The following NCOA1 variants were observed in gnomAD, a reference collection of about 807,000 sequenced individuals.
The protein encoded by NCOA1 is Hin-2 protein.
Under a neutral mutation model 150.9 loss-of-function variants are expected in NCOA1, and 35 were observed. The observed-to-expected ratio is 0.23, with a 90% CI of 0.18 to 0.31. The LOEUF (loss-of-function observed/expected upper bound fraction) is 0.31. Ranked by LOEUF, NCOA1 falls within the 10% of genes least tolerant of loss-of-function variation. The pLI, the probability that NCOA1 is intolerant of heterozygous loss-of-function variation, is 1.00. For missense variants in NCOA1, 1,491 were observed against 1,749.3 expected (o/e 0.85, Z 2.63); for synonymous variants, 590 against 630.0 (o/e 0.94, Z 0.95).
chr2:24,739,514 A>G lies in NCOA1; in HGVS notation c.3284A>G (p.Gln1095Arg). ...GGCATCAATATGAGATCAGGCATGC[A>G]ACAGCAAATTACACCTCAGGTAATG... ...PVGINMRSGM[Q>R]QQITPQPPLN... The change falls in exon 18 of 23, where the codon CAA becomes CGA. Residue 1095 changes from glutamine to arginine, a missense_variant. Around this residue, in one of 8 missense-constraint regions of NCOA1, gnomAD observed 485 missense variants for 522.8 expected, o/e 0.93. Transcript: ENST00000348332. 6.2e-7 allele frequency: 1 copy of G among 1,613,666 alleles called. No homozygotes were observed. Among genetic ancestry groups the G allele is most frequent in the Non-Finnish European group, 8.5e-7 (1 of 1,179,574 alleles).
intron 19 of NCOA1, among the ~76,000 whole-genome samples, chr2:24,743,551 A>T (rs1027431606): frequency 6.6e-6 from 1 of 152,246 alleles, no homozygotes; most frequent in Non-Finnish European, 1.5e-5. Context: ...ATAAATCCAT[A>T]TTTTAATTAT....
intron 1 of NCOA1, among the ~76,000 whole-genome samples, chr2:24,506,572 G>A (rs139011181): frequency 5.3e-5 from 8 of 152,232 alleles, no homozygotes; most frequent in East Asian, 3.9e-4. Flanking sequence ...GCTCACTTCC[G>A]TGGAGAGGTG....
chr2:24,737,934 G>T (rs1200167611), intron 17 of NCOA1, among the ~76,000 whole-genome samples: 1 of 152,018 alleles, frequency 6.6e-6, no homozygotes, highest in East Asian at 1.9e-4. Context: ...TTATGTTCCT[G>T]GTCTTTCAAG....
chr2:24,540,849 T>G (rs1665363953), intron 1 of NCOA1, among the ~76,000 whole-genome samples: 1 of 152,122 alleles, frequency 6.6e-6, no homozygotes, highest in Admixed American at 6.5e-5. Context: ...ATGTTAAATA[T>G]GTAGAATTAA....
intron 21 of NCOA1, 66 bp from the exon 22 acceptor site, chr2:24,762,621 T>C: frequency 7.4e-7 from 1 of 1,359,450 alleles, no homozygotes; most frequent in Non-Finnish European, 1.0e-6. Context: ...TTGTTTTTCA[T>C]TGGAGAATTT....
At chr2:24,740,193 A>G (rs943641573) in intron 18 of NCOA1, among the ~76,000 whole-genome samples, 1 of 152,198 alleles carries the variant, frequency 6.6e-6, no homozygotes, top group Non-Finnish European at 1.5e-5. Flanking sequence ...CCTCTCCACA[A>G]TATGGAACTA....
intron 1 of NCOA1, among the ~76,000 whole-genome samples, chr2:24,535,710 G>A (rs1428341687): frequency 1.3e-5 from 2 of 152,252 alleles, no homozygotes; most frequent in African/African-American, 2.4e-5. Context: ...CACTTATGAA[G>A]CTTAGTTTGG....
chr2:24,519,038 A>G (rs1664314626), intron 1 of NCOA1, among the ~76,000 whole-genome samples: 2 of 152,182 alleles, frequency 1.3e-5, no homozygotes, highest in African/African-American at 4.8e-5. Flanking sequence ...AAGAAGAAAA[A>G]AGTTGTAAGA....
intron 4 of NCOA1, among the ~76,000 whole-genome samples, chr2:24,655,961 G>A (rs1461072421): frequency 2.6e-5 from 4 of 151,830 alleles, no homozygotes; most frequent in African/African-American, 4.8e-5. Context: ...GGTGGCAGGT[G>A]CCTGTAGTCC....
At chr2:24,739,854 C>T (rs1434058268) in intron 18 of NCOA1, among the ~76,000 whole-genome samples, 2 of 152,086 alleles carry the variant, frequency 1.3e-5, no homozygotes, top group African/African-American at 2.4e-5. Flanking sequence ...ACTGTGTGAA[C>T]GGTACCCGAA....
At chr2:24,520,690 T>G (rs1207819370) in intron 1 of NCOA1, among the ~76,000 whole-genome samples, 1 of 152,246 alleles carries the variant, frequency 6.6e-6, no homozygotes, top group Non-Finnish European at 1.5e-5. Context: ...GTGATGGTTT[T>G]ATTGGTGTAT....
intron 20 of NCOA1, among the ~76,000 whole-genome samples, chr2:24,755,489 A>G (rs1356292029): frequency 6.6e-6 from 1 of 152,262 alleles, no homozygotes; most frequent in Non-Finnish European, 1.5e-5. Flanking sequence ...CAGAGTATTC[A>G]TCCTTCTCTT....
intron 3 of NCOA1, among the ~76,000 whole-genome samples, chr2:24,601,214 G>GT (rs138883180): frequency 0.15 from 22,627 of 151,368 alleles, 2,047 homozygotes; most frequent in Non-Finnish European, 0.2. Flanking sequence ...AACATCTTCT[G>GT]TTTTTTTTGT....
At chr2:24,606,218 T>G (rs1189188179) in intron 3 of NCOA1, among the ~76,000 whole-genome samples, 1 of 151,602 alleles carries the variant, frequency 6.6e-6, no homozygotes, top group East Asian at 1.9e-4. Context: ...ATTTTTATTT[T>G]TTTATTTTTA....
chr2:24,511,107 C>G (rs577272743), intron 1 of NCOA1, among the ~76,000 whole-genome samples: 6 of 152,204 alleles, frequency 3.9e-5, no homozygotes, highest in Admixed American at 6.5e-5. Context: ...AATATTTCAC[C>G]TTTTGTCTGA....
intron 11 of NCOA1, among the ~76,000 whole-genome samples, chr2:24,702,000 AC>A (rs1056375223): frequency 1.3e-5 from 2 of 152,174 alleles, no homozygotes; most frequent in Admixed American, 6.5e-5. Flanking sequence ...ACAGAGGGAG[AC>A]CCTGTCTCAA....
intron 1 of NCOA1, among the ~76,000 whole-genome samples, chr2:24,555,153 A>G (rs1031477769): frequency 2.6e-5 from 4 of 151,612 alleles, no homozygotes; most frequent in African/African-American, 9.7e-5. Flanking sequence ...AAACGTTGAT[A>G]TTTTCTCTTT....
chr2:24,624,494 T>C (rs1214294356), intron 3 of NCOA1, among the ~76,000 whole-genome samples: 2 of 152,190 alleles, frequency 1.3e-5, no homozygotes, highest in Non-Finnish European at 2.9e-5. Context: ...AATGTATGCA[T>C]ATTCAATTTT....
chr2:24,577,408 A>G (rs1282167986), intron 2 of NCOA1, among the ~76,000 whole-genome samples: 8 of 152,332 alleles, frequency 5.3e-5, no homozygotes, highest in Non-Finnish European at 1.0e-4. Flanking sequence ...AGAAGTATAC[A>G]TTTATCCATA....
Sources: allele counts gnomAD v4.1 joint callset (sites outside exome capture counted in the v4.1 genomes callset), GRCh38; gene constraint gnomAD v4.1.1; regional missense constraint gnomAD v4.1.1; transcripts MANE v1.5; gene names NCBI Gene and HGNC (gene_info 2026-07-23, HGNC 2026-07-21).